PM20D1: variants seen among roughly 807,000 people sequenced by gnomAD.
PM20D1 encodes the protein N-fatty-acyl-amino acid synthase/hydrolase PM20D1.
PM20D1 carries 53 observed loss-of-function variants against 53.8 expected under a neutral mutation model. The observed-to-expected ratio is 0.98, with a 90% CI of 0.79 to 1.24. The LOEUF is 1.24. Among genes scored for constraint, PM20D1 ranks in the 50% most tolerant of loss-of-function variants. The pLI, the probability that PM20D1 is intolerant of heterozygous loss-of-function variation, is 0.00. For missense variants in PM20D1, 564 were observed against 616.8 expected (o/e 0.91, Z 0.91); for synonymous variants, 239 against 241.3 (o/e 0.99, Z 0.09).
At chr1:205,832,874 T>C (rs1656594569) in intron 10 of PM20D1, 108 bp from the exon 11 acceptor site, 4 of 1,277,374 alleles carry the variant, frequency 3.1e-6, no homozygotes, top group Admixed American at 3.0e-5. Context: ...CCTCAGGGTT[T>C]ACAGACAGGA....
Position 205,832,112 on chromosome 1 carries a change from T to A in PM20D1, c.1285+486A>T, listed in dbSNP as rs534674578. Among the ~76,000 whole-genome samples the A allele has an allele frequency of 2.9e-3, 443 of 152,172 alleles. 1 individual carries two copies. The highest frequency in any genetic ancestry group is 4.8e-3 in the Non-Finnish European group (323 of 67,970). The stretch of plus-strand genomic sequence containing the variant: ...CTGCAAAGCACAGATTTGGATGGGG[T>A]GCTAGAAGGCTGCAGAAGGGGAACA... On this transcript the variant is annotated intron_variant, in intron 11 of 12. Coordinates refer to ENST00000367136, the MANE Select transcript of PM20D1 (RefSeq NM_152491.5).
In PM20D1 at chr1:205,842,812, AGAG is replaced by A. The variant is rs973234292; in HGVS notation, c.828-64_828-62del. ...CCCCAGCCAAAGATCAGTGGCTTGAAGAGGAGAAGAAGGGAGATAGGAGGAAGT... is the reference window on the plus strand; with the variant it reads ...CCCCAGCCAAAGATCAGTGGCTTGAAGAGAAGAAGGGAGATAGGAGGAAGT... On this transcript the variant is annotated intron_variant, in intron 6 of 12. Coordinates refer to ENST00000367136, the MANE Select transcript of PM20D1 (RefSeq NM_152491.5). The A allele has an allele frequency of 8.6e-6, 13 of 1,502,950 alleles. No individual in the cohort carries two copies. In the African/African-American group the frequency reaches 1.5e-4, roughly 18 times the overall value. 93.1% of individuals were successfully genotyped at this position (1,502,950 alleles called of 1,614,324 possible).
chr1:205,833,189 A>G (rs904726229), intron 10 of PM20D1, among the ~76,000 whole-genome samples: 2 of 152,260 alleles, frequency 1.3e-5, no homozygotes, highest in Non-Finnish European at 2.9e-5. Context: ...AGCCAGGAAC[A>G]TGGAATCTCC....
intron 2 of PM20D1, among the ~76,000 whole-genome samples, chr1:205,847,645 T>C (rs1657021096): frequency 6.6e-6 from 1 of 151,996 alleles, no homozygotes; most frequent in South Asian, 2.1e-4. Context: ...ATGACACACA[T>C]GTAGGGCAAA....
At chr1:205,842,772 TCAAGAC>T in intron 6 of PM20D1, 21 bp from the exon 7 acceptor site, 1 of 1,612,572 alleles carries the variant, frequency 6.2e-7, no homozygotes, top group Non-Finnish European at 8.5e-7. Context: ...AACAGAGTCC[TCAAGAC>T]TTAGCGAACC....
intron 10 of PM20D1, among the ~76,000 whole-genome samples, chr1:205,839,715 A>G (rs762512780): frequency 2.6e-5 from 4 of 151,932 alleles, no homozygotes; most frequent in African/African-American, 7.3e-5. Flanking sequence ...ACAAAAATAC[A>G]AAGTACAAAA....
rs543243264 is a variant in PM20D1, at chr1:205,836,793, A to G, written c.1116+3459T>C. ...ACTGGGATTATAGGTATGAGCCACT[A>G]TGCCTGGCCCTGCCTCTCCTTTTTT... On this transcript the variant is annotated intron_variant, in intron 10 of 12. Coordinates refer to ENST00000367136, the MANE Select transcript of PM20D1 (RefSeq NM_152491.5). Among the ~76,000 whole-genome samples the G allele has an allele frequency of 1.2e-4, 19 of 152,244 alleles. 1 individual carries two copies. In the South Asian group the frequency reaches 3.7e-3, roughly 30 times the overall value.
Position 205,828,556 on chromosome 1 carries a change from C to CGAAA in PM20D1, c.*63_*64insTTTC. On this transcript the variant is annotated 3_prime_UTR_variant, in exon 13 of 13. Transcript: ENST00000367136. ...TGATCAAAAGTTTCATCAACACTAG[C>CGAAA]TTTCCCCCTTGGGTTAGTCCTGTCC... is the stretch of plus-strand genomic sequence containing the variant. 1.9e-6 allele frequency: 3 copies of CGAAA among 1,595,744 alleles called. No homozygotes were observed. The highest frequency in any genetic ancestry group is 2.6e-6 in the Non-Finnish European group (3 of 1,171,314).
rs781439574 is a variant in PM20D1, at chr1:205,844,896, G to A, written c.491C>T (p.Ala164Val). Residue 164 changes from alanine to valine, a missense_variant and splice_region_variant, in exon 4 of 13, where the codon GCA becomes GTA. Coordinates refer to ENST00000367136, the MANE Select transcript of PM20D1 (RefSeq NM_152491.5). ...CAGGAGCTCCAAGGCCTGCAGTAAT[G>A]CCTGGGGTTCAGAAGCACAATGGAA... ...GTLDDKNSVM[A>V]LLQALELLLI... The A allele has an allele frequency of 2.5e-6, 4 of 1,613,344 alleles. No homozygotes were observed. The Admixed American group carries it at 6.7e-5, about 27-fold the overall frequency.
At chr1:205,845,193 A>G in intron 3 of PM20D1, 132 bp downstream of exon 3, 1 of 905,058 alleles carries the variant, frequency 1.1e-6, no homozygotes, top group South Asian at 1.6e-5. Context: ...TGACAAACTG[A>G]TGGCTGGAAC....
At chr1:205,834,009 G>GT in intron 10 of PM20D1, among the ~76,000 whole-genome samples, 1 of 151,724 alleles carries the variant, frequency 6.6e-6, no homozygotes. Context: ...CACTATGCCT[G>GT]ACTAATTTTT....
In PM20D1 at chr1:205,844,228, G is replaced by C; in HGVS notation, c.577-11C>G. 1.2e-6 allele frequency: 2 copies of C among 1,601,278 alleles called. No homozygotes were observed. Among genetic ancestry groups the C allele is most frequent in the Non-Finnish European group, 1.7e-6 (2 of 1,172,648 alleles). On this transcript the variant is annotated splice_polypyrimidine_tract_variant and intron_variant, in intron 4 of 12. Coordinates refer to ENST00000367136, the MANE Select transcript of PM20D1 (RefSeq NM_152491.5). The stretch of plus-strand genomic sequence containing the variant: ...CCCTGTCCCTGATGACTGCAGACAT[G>C]GAACATAGAGCTATAGTCCTTCTCA...
intron 10 of PM20D1, among the ~76,000 whole-genome samples, chr1:205,839,910 CAAAAAAAA>C (rs567749262): frequency 2.4e-4 from 14 of 58,090 alleles, no homozygotes; most frequent in East Asian, 1.1e-3. Flanking sequence ...GACTCTGACT[CAAAAAAAA>C]AAAAAAAAAA....
chr1:205,842,795 A>G (rs2102529093), intron 6 of PM20D1, 44 bp from the exon 7 acceptor site: 2 of 1,579,430 alleles, frequency 1.3e-6, no homozygotes, highest in East Asian at 4.5e-5. Context: ...AACCCCAGCC[A>G]AAGATCAGTG....
intron 10 of PM20D1, among the ~76,000 whole-genome samples, chr1:205,839,989 A>G (rs564043982): frequency 6.6e-6 from 1 of 151,652 alleles, no homozygotes; most frequent in East Asian, 1.9e-4. Flanking sequence ...ACTACTACAT[A>G]TATATAATGT....
Position 205,844,146 on chromosome 1 carries a change from C to A in PM20D1, c.648G>T (p.Val216=), listed in dbSNP as rs140954841. The A allele has an allele frequency of 7.8e-5, 126 of 1,613,878 alleles. No homozygotes were observed. Among genetic ancestry groups the A allele is most frequent in the Non-Finnish European group, 9.7e-5 (115 of 1,179,966 alleles). The change falls in exon 5 of 13, where the codon GTG becomes GTT. Residue 216 remains valine, a synonymous_variant. Transcript: ENST00000367136. ...QSRGVQLAFI[V]DEGGFILDDF... The stretch of plus-strand genomic sequence containing the variant: ...CATCCAAGATGAAGCCCCCCTCGTC[C>A]ACAATGAAGGCTAGCTGGACGCCCC...
At position 205,832,737 on chromosome 1, in the gene PM20D1, A is replaced by AGCC; in HGVS notation, c.1143_1145dup (p.Ala382dup). ...ACACATGGAACTGGACTCTGTTATCAGCCACAATGTTCTTCGTGAGTTCTA... is the reference window on the plus strand; with the variant it reads ...ACACATGGAACTGGACTCTGTTATCAGCCGCCACAATGTTCTTCGTGAGTTCTA... On this transcript the variant is annotated inframe_insertion, in exon 11 of 13. Transcript: ENST00000367136. 6.2e-7 allele frequency: 1 copy of AGCC among 1,609,224 alleles called. No individual in the cohort carries two copies. Among genetic ancestry groups the AGCC allele is most frequent in the South Asian group, 1.1e-5 (1 of 90,274 alleles).
Position 205,842,194 on chromosome 1 carries a change from T to A in PM20D1, c.925A>T (p.Ile309Phe). ...TCAAATAGCCATGGGTTGCTCAGGA[T>A]TATATTGACAGGGAAGGGAAACTGG... ...ANEFPFPVNI[I>F]LSNPWLFEPL... The change falls in exon 8 of 13, where the codon ATC (isoleucine) becomes TTC (phenylalanine). Residue 309 changes from isoleucine (I) to phenylalanine (F), a missense_variant. Coordinates refer to ENST00000367136, the MANE Select transcript of PM20D1 (RefSeq NM_152491.5). The A allele has an allele frequency of 6.2e-7, 1 of 1,613,068 alleles. No individual in the cohort carries two copies. Among genetic ancestry groups the A allele is most frequent in the Non-Finnish European group, 8.5e-7 (1 of 1,179,162 alleles).
intron 3 of PM20D1, among the ~76,000 whole-genome samples, 152 bp downstream of exon 3, chr1:205,845,172 GA>G (rs1353674782): frequency 3.9e-5 from 6 of 152,198 alleles, no homozygotes; most frequent in Non-Finnish European, 8.8e-5. Context: ...TCAAGGCCCA[GA>G]GAAGGGAAGT....
Sources: gnomAD v4.1 joint callset for allele counts (sites outside exome capture counted in the v4.1 genomes callset) on GRCh38, gnomAD v4.1.1 for gene constraint, MANE v1.5 for transcripts, NCBI Gene and HGNC (gene_info 2026-07-23, HGNC 2026-07-21) for gene names.